GLI2: variants seen among roughly 807,000 people sequenced by gnomAD.
The protein encoded by GLI2 is GLI family zinc finger 2, also known as transcription activator GLI2.
In GLI2, 22 loss-of-function variants were observed where a neutral mutation model predicts 78.9. That is an observed-to-expected ratio of 0.28 (90% CI 0.20 to 0.40). The LOEUF (loss-of-function observed/expected upper bound fraction) is 0.40, where lower values mean the gene tolerates loss of function less well. Among genes scored for constraint, GLI2 ranks in the 10% least tolerant of loss-of-function variants. The pLI, the probability that GLI2 is intolerant of heterozygous loss-of-function variation, is 1.00. For synonymous variants in GLI2, 974 were observed against 963.7 expected (o/e 1.01, Z -0.20); for missense variants, 2,097 against 2,213.2 (o/e 0.95, Z 1.05).
chr2:120,974,091 A>G (rs1682329129), intron 8 of GLI2, among the ~76,000 whole-genome samples: 1 of 152,022 alleles, frequency 6.6e-6, no homozygotes, highest in Non-Finnish European at 1.5e-5. Context: ...GGTTTTGGAG[A>G]GAGTTTGAAG....
At chr2:120,759,564 G>C (rs1026193838) in intron 1 of GLI2, among the ~76,000 whole-genome samples, 1 of 152,188 alleles carries the variant, frequency 6.6e-6, no homozygotes, top group Non-Finnish European at 1.5e-5. Context: ...GGCATGGGGG[G>C]TGGTGCAGAG....
chr2:120,927,138 A>G (rs1168394148), intron 2 of GLI2, among the ~76,000 whole-genome samples: 1 of 152,164 alleles, frequency 6.6e-6, no homozygotes, highest in Non-Finnish European at 1.5e-5. Flanking sequence ...CTTTGTCAAG[A>G]GCGCAGTTGG....
rs72955323 is a variant in GLI2, at chr2:120,888,062, G to T, written c.149-39299G>T. Among the ~76,000 whole-genome samples, 1,026 of 152,338 alleles carry T rather than the reference G, an allele frequency of 6.7e-3. 9 individuals carry two copies. The highest frequency in any genetic ancestry group is 0.023 in the African/African-American group (953 of 41,570). On this transcript the variant is annotated intron_variant, in intron 2 of 13. Coordinates refer to ENST00000361492, the MANE Select transcript of GLI2 (RefSeq NM_001374353.1). ...AAGTTTGCCAAAGTGATTTGGAGTG[G>T]CCTTCCCCAGCTGAGCCTTGCGTGG... is the stretch of plus-strand genomic sequence containing the variant.
At chr2:120,927,930 G>C (rs929493641) in intron 3 of GLI2, among the ~76,000 whole-genome samples, 1 of 152,078 alleles carries the variant, frequency 6.6e-6, no homozygotes, top group African/African-American at 2.4e-5. Context: ...GATGCTTTGG[G>C]GCCCTTCCTA....
At chr2:120,767,009 C>A (rs1244920178) in intron 1 of GLI2, among the ~76,000 whole-genome samples, 1 of 152,172 alleles carries the variant, frequency 6.6e-6, no homozygotes, top group South Asian at 2.1e-4. Flanking sequence ...CTTTTGGTCC[C>A]CTTAGCTGCC....
At chr2:120,971,844 G>A in intron 7 of GLI2, 97 bp from the exon 8 acceptor site, 1 of 1,025,434 alleles carries the variant, frequency 9.8e-7, no homozygotes, top group South Asian at 1.3e-5. Context: ...AGCCCAGATG[G>A]TCTGTGCGGA....
At chr2:120,844,938 GC>G (rs1159534616) in intron 2 of GLI2, among the ~76,000 whole-genome samples, 1 of 151,730 alleles carries the variant, frequency 6.6e-6, no homozygotes, top group African/African-American at 2.4e-5. Flanking sequence ...ACCTGGAATT[GC>G]CCCCTGTGTA....
At chr2:120,832,044 A>G (rs547328200) in intron 2 of GLI2, among the ~76,000 whole-genome samples, 1 of 152,346 alleles carries the variant, frequency 6.6e-6, no homozygotes, top group South Asian at 2.1e-4. Context: ...AGTAAACACC[A>G]GGTACACAGC....
chr2:120,959,625 C>T (rs1030929210), intron 5 of GLI2, among the ~76,000 whole-genome samples: 2 of 152,190 alleles, frequency 1.3e-5, no homozygotes, highest in Admixed American at 6.5e-5. Context: ...CTGAACACAA[C>T]ACCTGGGCTC....
chr2:120,967,401 G>A (rs1681910160), intron 5 of GLI2, among the ~76,000 whole-genome samples: 2 of 152,244 alleles, frequency 1.3e-5, no homozygotes, highest in Admixed American at 1.3e-4. Context: ...CAGGAAGCTT[G>A]GCTTGTGGAG....
At chr2:120,954,758 A>G (rs1681159212) in intron 4 of GLI2, among the ~76,000 whole-genome samples, 1 of 152,212 alleles carries the variant, frequency 6.6e-6, no homozygotes, top group Non-Finnish European at 1.5e-5. Context: ...CTGCAGGGAT[A>G]AGGATGTGTG....
chr2:120,851,493 G>A, intron 2 of GLI2, among the ~76,000 whole-genome samples: 1 of 152,276 alleles, frequency 6.6e-6, no homozygotes, highest in Non-Finnish European at 1.5e-5. Flanking sequence ...GCATGACCAG[G>A]AAGGCTTTGT....
rs1268305650 is a variant in GLI2, at chr2:120,806,636, G to A, written c.148+9168G>A. On this transcript the variant is annotated intron_variant, in intron 2 of 13. Transcript: ENST00000361492. ...CCATATGTCTCCTGCCTGGCATATG[G>A]GGTCTGAAGGACAAGGCTCCTGTTG... Among the ~76,000 whole-genome samples the A allele has an allele frequency of 4.6e-5, 7 of 152,288 alleles. No homozygotes were observed. The East Asian group carries it at 1.4e-3, about 29-fold the overall frequency.
chr2:120,862,199 G>A (rs1687933483), intron 2 of GLI2, among the ~76,000 whole-genome samples: 2 of 152,384 alleles, frequency 1.3e-5, no homozygotes, highest in South Asian at 2.1e-4. Context: ...GAGGGCAGAT[G>A]TCTATGCAGG....
At chr2:120,962,398 G>C (rs756378249) in intron 5 of GLI2, among the ~76,000 whole-genome samples, 1 of 152,232 alleles carries the variant, frequency 6.6e-6, no homozygotes, top group African/African-American at 2.4e-5. Context: ...GACAGGGTCA[G>C]AGGCTTCCCT....
At chr2:120,984,979 G>T (rs1682903485) in intron 12 of GLI2, among the ~76,000 whole-genome samples, 1 of 152,196 alleles carries the variant, frequency 6.6e-6, no homozygotes, top group Admixed American at 6.5e-5. Context: ...GCAGCACGCT[G>T]GGTGACAGGG....
intron 2 of GLI2, among the ~76,000 whole-genome samples, chr2:120,899,471 A>G (rs1438631270): frequency 6.6e-6 from 1 of 152,086 alleles, no homozygotes; most frequent in South Asian, 2.1e-4. Context: ...CCTGTTCCTC[A>G]GGCTGCAGCT....
chr2:120,897,122 C>T (rs926948413), intron 2 of GLI2, among the ~76,000 whole-genome samples: 8 of 152,224 alleles, frequency 5.3e-5, no homozygotes, highest in African/African-American at 1.9e-4. Context: ...GCACCACCCC[C>T]ACTGACACGC....
chr2:120,761,622 C>CG (rs1435828334), intron 1 of GLI2, among the ~76,000 whole-genome samples: 1 of 151,824 alleles, frequency 6.6e-6, no homozygotes, highest in Non-Finnish European at 1.5e-5. Flanking sequence ...TCTGGGGGGT[C>CG]GGGGGTTGGG....
Sources: allele counts gnomAD v4.1 joint callset (sites outside exome capture counted in the v4.1 genomes callset), GRCh38; gene constraint gnomAD v4.1.1; transcripts MANE v1.5; gene names NCBI Gene and HGNC (gene_info 2026-07-23, HGNC 2026-07-21).